Variants in TMEM132B observed in about 807,000 individuals in gnomAD.
TMEM132B encodes transmembrane protein 132B.
In TMEM132B, 18 loss-of-function variants were observed where a neutral mutation model predicts 90.8. The ratio of observed to expected loss-of-function variants is 0.20; its 90% CI spans 0.14 to 0.29. The LOEUF is 0.29. Among genes scored for constraint, TMEM132B ranks in the 10% least tolerant of loss-of-function variants. The pLI is 1.00. For missense variants in TMEM132B, 1,096 were observed against 1,326.8 expected (o/e 0.83, Z 2.70); for synonymous variants, 504 against 523.3 (o/e 0.96, Z 0.50).
At chr12:125,322,559 G>T (rs991298241) in intron 1 of TMEM132B, among the ~76,000 whole-genome samples, 10 of 152,180 alleles carry the variant, frequency 6.6e-5, no homozygotes, top group African/African-American at 2.4e-4. Context: ...AGCTTTTGGG[G>T]TGTAGGAAGT....
At chr12:125,447,265 AT>A (rs1881028953) in intron 3 of TMEM132B, among the ~76,000 whole-genome samples, 2 of 150,844 alleles carry the variant, frequency 1.3e-5, no homozygotes, top group East Asian at 3.9e-4. Context: ...CTCCTATTCT[AT>A]TCTGTATTTA....
chr12:125,653,414 C>T, intron 8 of TMEM132B, 151 bp from the exon 9 acceptor site: 4 of 812,346 alleles, frequency 4.9e-6, no homozygotes, highest in Non-Finnish European at 5.5e-6. Flanking sequence ...CCGGTTCAAC[C>T]AGTTCAAGGC....
At chr12:125,525,667 G>A (rs1252433845) in intron 4 of TMEM132B, among the ~76,000 whole-genome samples, 1 of 152,176 alleles carries the variant, frequency 6.6e-6, no homozygotes, top group Non-Finnish European at 1.5e-5. Flanking sequence ...AGAAGAAGAA[G>A]GACCTGTGGT....
At chr12:125,252,757 G>T (rs916734934) in intron 1 of TMEM132B, among the ~76,000 whole-genome samples, 3 of 152,102 alleles carry the variant, frequency 2.0e-5, no homozygotes, top group African/African-American at 7.2e-5. Context: ...CTCCCCTGAG[G>T]GTGGATCTTC....
intron 5 of TMEM132B, among the ~76,000 whole-genome samples, chr12:125,613,931 G>A (rs1885923808): frequency 6.6e-6 from 1 of 151,862 alleles, no homozygotes. Flanking sequence ...GTCTCATACA[G>A]TTTTGCTCCC....
At chr12:125,233,545 T>G (rs1873869043) in intron 1 of TMEM132B, among the ~76,000 whole-genome samples, 1 of 152,250 alleles carries the variant, frequency 6.6e-6, no homozygotes, top group Non-Finnish European at 1.5e-5. Flanking sequence ...TGACTCATAG[T>G]CAATGGCCAC....
At chr12:125,414,068 T>C (rs546217562) in intron 2 of TMEM132B, among the ~76,000 whole-genome samples, 2 of 152,330 alleles carry the variant, frequency 1.3e-5, no homozygotes, top group East Asian at 3.9e-4. Context: ...GTGGTTTGGA[T>C]TTGCATTTCC....
intron 4 of TMEM132B, among the ~76,000 whole-genome samples, chr12:125,560,179 G>A (rs1421521643): frequency 6.6e-6 from 1 of 152,164 alleles, no homozygotes; most frequent in Non-Finnish European, 1.5e-5. Context: ...AATCACTGGG[G>A]CCCAAGGAAT....
At chr12:125,282,478 G>A (rs1320320705) in intron 1 of TMEM132B, among the ~76,000 whole-genome samples, 6 of 152,076 alleles carry the variant, frequency 3.9e-5, no homozygotes, top group African/African-American at 1.2e-4. Context: ...AACACTCTCC[G>A]CGTCTTCCAT....
rs1237412884 is a variant in TMEM132B at position 125,359,481 on chromosome 12, T to TA, written c.959+9147dup. ...TCAAAAAAACCCCAGATCATATTAG[T>TA]AAAAAAAAAGATATGATCCAAATAG... is the stretch of plus-strand genomic sequence containing the variant. On this transcript the variant is annotated intron_variant, in intron 2 of 8. Transcript: ENST00000682704. Among the ~76,000 whole-genome samples, 7 of 151,104 alleles carry TA rather than the reference T, an allele frequency of 4.6e-5. No homozygotes were observed. In the East Asian group the frequency reaches 5.8e-4, roughly 13 times the overall value.
intron 2 of TMEM132B, among the ~76,000 whole-genome samples, chr12:125,364,110 A>G (rs1159488251): frequency 1.3e-5 from 2 of 152,176 alleles, no homozygotes; most frequent in African/African-American, 4.8e-5. Flanking sequence ...GGTCATGCAT[A>G]TATGTGGACA....
Position 125,543,232 on chromosome 12 carries a change from GT to G in TMEM132B, c.1293+23608del, listed in dbSNP as rs1328545620. ...AAAAATTCAGTTATATGATAATGCAGTCATCCCTCCCTATCTCCAGGTTCTG... is the reference window on the plus strand; with the variant it reads ...AAAAATTCAGTTATATGATAATGCAGCATCCCTCCCTATCTCCAGGTTCTG... On this transcript the variant is annotated intron_variant, in intron 4 of 8. Transcript: ENST00000682704. 2.0e-5 allele frequency among the ~76,000 whole-genome samples: 3 copies of G among 152,150 alleles called. No homozygotes were observed. The East Asian group carries it at 5.8e-4, about 29-fold the overall frequency.
At chr12:125,229,391 G>A (rs1873763515) in intron 1 of TMEM132B, among the ~76,000 whole-genome samples, 1 of 152,134 alleles carries the variant, frequency 6.6e-6, no homozygotes, top group South Asian at 2.1e-4. Context: ...TGGCCTCGAA[G>A]GTCCTTACCG....
At chr12:125,244,132 A>T (rs1429438533) in intron 1 of TMEM132B, among the ~76,000 whole-genome samples, 1 of 152,160 alleles carries the variant, frequency 6.6e-6, no homozygotes, top group Non-Finnish European at 1.5e-5. Flanking sequence ...TATTGTATGA[A>T]TATGCTGCGT....
intron 4 of TMEM132B, among the ~76,000 whole-genome samples, chr12:125,552,626 C>A (rs1884264313): frequency 6.6e-6 from 1 of 152,220 alleles, no homozygotes; most frequent in African/African-American, 2.4e-5. Flanking sequence ...GAAGGGGCTA[C>A]TTCCATTTTC....
intron 2 of TMEM132B, among the ~76,000 whole-genome samples, chr12:125,374,193 G>A (rs1878398838): frequency 6.6e-6 from 1 of 152,204 alleles, no homozygotes; most frequent in Non-Finnish European, 1.5e-5. Flanking sequence ...CTTTAGGGAT[G>A]TTCCTCTTTA....
chr12:125,570,928 C>T (rs1884776844), intron 4 of TMEM132B, among the ~76,000 whole-genome samples: 1 of 152,182 alleles, frequency 6.6e-6, no homozygotes, highest in African/African-American at 2.4e-5. Context: ...GCTGGAAGAG[C>T]AGCTGGAGTG....
At chr12:125,284,565 A>C (rs1371096381) in intron 1 of TMEM132B, among the ~76,000 whole-genome samples, 1 of 152,110 alleles carries the variant, frequency 6.6e-6, no homozygotes, top group Non-Finnish European at 1.5e-5. Flanking sequence ...CTTCCATGCC[A>C]GTTTGCGTAG....
chr12:125,529,019 C>T lies in TMEM132B; in HGVS notation c.1293+9394C>T, dbSNP rs547055930. On this transcript the variant is annotated intron_variant, in intron 4 of 8. Transcript: ENST00000682704. ...TCTCCTTCCTTCTTCTCCTTTCTTC[C>T]CCCTCCTTCTTCCTCCCTCCTCCTT... Among the ~76,000 whole-genome samples, 12 of 141,218 alleles carry T rather than the reference C, an allele frequency of 8.5e-5. No homozygotes were observed. In the South Asian group the frequency reaches 2.8e-3, roughly 33 times the overall value. 92.6% of individuals were successfully genotyped at this position (141,218 alleles called of 152,430 possible). A position where few individuals can be genotyped will look rare whatever the true frequency, so the allele number is the denominator to read the frequency against.
Sources: gnomAD v4.1 joint callset for allele counts (sites outside exome capture counted in the v4.1 genomes callset) on GRCh38, gnomAD v4.1.1 for gene constraint, MANE v1.5 for transcripts, NCBI Gene and HGNC (gene_info 2026-07-23, HGNC 2026-07-21) for gene names.